EPB41L5: variants seen among roughly 807,000 people sequenced by gnomAD.
The protein encoded by EPB41L5 is band 4.1-like protein 5.
A neutral mutation model predicts 106.6 loss-of-function variants in EPB41L5; 55 were observed. That is an observed-to-expected ratio of 0.52 (90% CI 0.42 to 0.65). The LOEUF is 0.65. Ranked by LOEUF, EPB41L5 falls within the 30% of genes least tolerant of loss-of-function variation. The pLI is 0.00. For missense variants in EPB41L5, 871 were observed against 882.1 expected, an observed-to-expected ratio of 0.99 and a Z score of 0.16; for synonymous variants, 297 against 306.7, an observed-to-expected ratio of 0.97 and a Z score of 0.33.
intron 7 of EPB41L5, among the ~76,000 whole-genome samples, chr2:120,076,189 C>G (rs1682219431): frequency 6.6e-6 from 1 of 152,130 alleles, no homozygotes; most frequent in African/African-American, 2.4e-5. Flanking sequence ...CTTTCTCCCC[C>G]CGATTTTTTT....
chr2:120,097,708 A>G (rs1191041499), intron 14 of EPB41L5, among the ~76,000 whole-genome samples: 3 of 152,250 alleles, frequency 2.0e-5, no homozygotes, highest in Non-Finnish European at 4.4e-5. Context: ...ATGTAAAAGC[A>G]AAAATGGTCA....
At position 120,013,111 on chromosome 2, in the gene EPB41L5, G is replaced by A. The variant is rs1319084792; in HGVS notation, c.-108G>A. Reference sequence around the variant, plus strand: ...GGATTAGAGCCGGTGGGCTCGTTGTGGGCGCCATTTCTCGGCGTCTACCGA... The same window carrying A: ...GGATTAGAGCCGGTGGGCTCGTTGTAGGCGCCATTTCTCGGCGTCTACCGA... On this transcript the variant is annotated 5_prime_UTR_variant, in exon 1 of 25. Coordinates refer to ENST00000263713, the MANE Select transcript of EPB41L5 (RefSeq NM_020909.4). 6.6e-6 allele frequency: 1 copy of A among 152,294 alleles called. No individual in the cohort carries two copies. Among genetic ancestry groups the A allele is most frequent in the African/African-American group, 2.4e-5 (1 of 41,556 alleles). The allele number at this position is 152,294 out of a possible 1,614,324, so 9.4% of individuals were successfully genotyped here. A position where few individuals can be genotyped will look rare whatever the true frequency, so the allele number is the denominator to read the frequency against.
At chr2:120,016,234 A>G (rs1361458204) in intron 1 of EPB41L5, among the ~76,000 whole-genome samples, 1 of 152,194 alleles carries the variant, frequency 6.6e-6, no homozygotes, top group Admixed American at 6.5e-5. Context: ...GTTTGAGACC[A>G]GCCTGGCCAA....
chr2:120,101,163 A>G (rs983360086), intron 16 of EPB41L5, among the ~76,000 whole-genome samples: 20 of 152,366 alleles, frequency 1.3e-4, no homozygotes, highest in African/African-American at 4.6e-4. Flanking sequence ...CCAGGTCCGT[A>G]AGGAAAGTAT....
At chr2:120,070,117 T>C (rs1433588628) in intron 3 of EPB41L5, among the ~76,000 whole-genome samples, 1 of 151,772 alleles carries the variant, frequency 6.6e-6, no homozygotes, top group Non-Finnish European at 1.5e-5. Context: ...TAGAGAATAA[T>C]CAAATAGACA....
chr2:120,125,532 T>C (rs1442914921), intron 16 of EPB41L5, among the ~76,000 whole-genome samples: 1 of 152,228 alleles, frequency 6.6e-6, no homozygotes, highest in Non-Finnish European at 1.5e-5. Context: ...TTTCTGTGGC[T>C]CAGTAATCCC....
At chr2:120,072,177 GA>G (rs1283595411) in intron 3 of EPB41L5, among the ~76,000 whole-genome samples, 1 of 152,044 alleles carries the variant, frequency 6.6e-6, no homozygotes, top group East Asian at 1.9e-4. Context: ...GCAAACACAT[GA>G]AAAAAAGCGC....
At chr2:120,061,083 C>T (rs919478473) in intron 3 of EPB41L5, among the ~76,000 whole-genome samples, 6 of 117,972 alleles carry the variant, frequency 5.1e-5, no homozygotes, top group African/African-American at 1.9e-4. Flanking sequence ...CTCTGTTGCC[C>T]AGGCTGGAGT....
At chr2:120,139,496 T>C (rs1331010494) in intron 18 of EPB41L5, among the ~76,000 whole-genome samples, 1 of 151,902 alleles carries the variant, frequency 6.6e-6, no homozygotes, top group African/African-American at 2.4e-5. Context: ...AATCTGATAA[T>C]CTGATTTTAA....
intron 16 of EPB41L5, chr2:120,108,175 T>C (rs1460586723): frequency 3.3e-5 from 5 of 152,166 alleles, no homozygotes; most frequent in Non-Finnish European, 7.4e-5. Flanking sequence ...TGGTGGTGCT[T>C]GAGTGAACAT....
chr2:120,050,967 A>G (rs1165767632), intron 3 of EPB41L5, among the ~76,000 whole-genome samples: 1 of 152,232 alleles, frequency 6.6e-6, no homozygotes, highest in Non-Finnish European at 1.5e-5. Context: ...AGGCTGCAGA[A>G]CAGTGAATAT....
chr2:120,159,997 A>C (rs1347862808), intron 20 of EPB41L5, among the ~76,000 whole-genome samples: 1 of 152,252 alleles, frequency 6.6e-6, no homozygotes, highest in Non-Finnish European at 1.5e-5. Flanking sequence ...AATACTGCGT[A>C]AAGTGGGAGC....
chr2:120,148,043 G>A (rs924525713), intron 20 of EPB41L5, among the ~76,000 whole-genome samples: 3 of 152,014 alleles, frequency 2.0e-5, no homozygotes, highest in Non-Finnish European at 2.9e-5. Flanking sequence ...TAGGCACAGA[G>A]ACACTATGGA....
intron 3 of EPB41L5, among the ~76,000 whole-genome samples, chr2:120,043,175 A>G (rs1481414308): frequency 6.6e-6 from 1 of 152,072 alleles, no homozygotes; most frequent in Non-Finnish European, 1.5e-5. Flanking sequence ...AACCATGAGC[A>G]TATGGCAGCA....
intron 16 of EPB41L5, among the ~76,000 whole-genome samples, chr2:120,120,049 T>C (rs542953114): frequency 9.2e-5 from 14 of 152,312 alleles, no homozygotes; most frequent in Non-Finnish European, 4.4e-5. Flanking sequence ...CAAATAAATA[T>C]GCTCCACTGT....
At chr2:120,021,083 T>C (rs1677891412) in intron 2 of EPB41L5, among the ~76,000 whole-genome samples, 1 of 152,034 alleles carries the variant, frequency 6.6e-6, no homozygotes, top group African/African-American at 2.4e-5. Context: ...GGCTTATGCC[T>C]GTAATCCCAG....
chr2:120,137,602 G>C (rs1053870426), intron 18 of EPB41L5, among the ~76,000 whole-genome samples: 1 of 151,992 alleles, frequency 6.6e-6, no homozygotes, highest in African/African-American at 2.4e-5. Context: ...GGAAAACATT[G>C]AAGAAATGGA....
intron 20 of EPB41L5, among the ~76,000 whole-genome samples, chr2:120,151,193 G>A (rs1023593677): frequency 5.3e-5 from 8 of 152,020 alleles, no homozygotes; most frequent in East Asian, 1.9e-4. Flanking sequence ...CCAGCTACTC[G>A]GGAGGCTAAG....
At chr2:120,068,355 G>T (rs149671443) in intron 3 of EPB41L5, among the ~76,000 whole-genome samples, 3,330 of 152,344 alleles carry the variant, frequency 0.022, 119 homozygotes, top group African/African-American at 0.075. Context: ...CTGGGTGGCC[G>T]TTTGGGCAGG....
Sources: allele counts gnomAD v4.1 joint callset (sites outside exome capture counted in the v4.1 genomes callset), GRCh38; gene constraint gnomAD v4.1.1; transcripts MANE v1.5; gene names NCBI Gene and HGNC (gene_info 2026-07-23, HGNC 2026-07-21).